The following RAB38 variants were observed in gnomAD, a reference collection of about 807,000 sequenced individuals.
The protein encoded by RAB38 is RAB38, member RAS oncogene family.
A neutral mutation model predicts 18.4 loss-of-function variants in RAB38; 15 were observed. The ratio of observed to expected loss-of-function variants is 0.82; its 90% confidence interval spans 0.55 to 1.26. The LOEUF is 1.26. RAB38 is among the 50% of genes most tolerant of loss of function. RAB38 has a pLI of 0.00. For synonymous variants in RAB38, 101 were observed against 104.4 expected, an observed-to-expected ratio of 0.97 and a Z score of 0.20; for missense variants, 294 against 267.4, an observed-to-expected ratio of 1.10 and a Z score of -0.69.
At chr11:88,142,945 CT>C (rs2134815664) in intron 2 of RAB38, among the ~76,000 whole-genome samples, 1 of 152,296 alleles carries the variant, frequency 6.6e-6, no homozygotes, top group Non-Finnish European at 1.5e-5. Flanking sequence ...TGTCATTAGA[CT>C]TTAAACTCCT....
At chr11:87,889,651 G>A in the RAB38 span, among the ~76,000 whole-genome samples, 1 of 151,850 alleles carries the variant, frequency 6.6e-6, no homozygotes, top group Non-Finnish European at 1.5e-5. Context: ...GAAGCACACA[G>A]AAGCCAAGTT....
the RAB38 span, among the ~76,000 whole-genome samples, chr11:87,916,559 C>T: frequency 3.3e-5 from 5 of 152,210 alleles, no homozygotes; most frequent in African/African-American, 1.2e-4. Flanking sequence ...TCACTAGATA[C>T]CAACAATGTG....
At chr11:87,884,970 C>T in the RAB38 span, among the ~76,000 whole-genome samples, 1 of 151,876 alleles carries the variant, frequency 6.6e-6, no homozygotes. Flanking sequence ...CCCAAACCTA[C>T]CTTTACATTA....
the RAB38 span, among the ~76,000 whole-genome samples, chr11:87,942,681 C>G: frequency 6.6e-5 from 10 of 152,066 alleles, no homozygotes; most frequent in South Asian, 6.2e-4. Flanking sequence ...CTAGGGAGTA[C>G]CTACAGGAGT....
chr11:88,165,071 T>G (rs1309359390), intron 1 of RAB38, among the ~76,000 whole-genome samples: 1 of 152,084 alleles, frequency 6.6e-6, no homozygotes, highest in East Asian at 1.9e-4. Context: ...ACTCATTCAA[T>G]AATTAGGTCT....
intron 2 of RAB38, among the ~76,000 whole-genome samples, chr11:88,142,758 G>A (rs760871100): frequency 5.9e-5 from 9 of 152,184 alleles, no homozygotes; most frequent in Admixed American, 1.3e-4. Flanking sequence ...CCCATACAGC[G>A]TGACCAACAT....
At chr11:87,895,184 G>C in the RAB38 span, among the ~76,000 whole-genome samples, 1 of 151,600 alleles carries the variant, frequency 6.6e-6, no homozygotes, top group Non-Finnish European at 1.5e-5. Context: ...AGCTTGTCTG[G>C]CTGATGAGGG....
At chr11:87,947,359 G>C in the RAB38 span, among the ~76,000 whole-genome samples, 1 of 142,570 alleles carries the variant, frequency 7.0e-6, no homozygotes, top group East Asian at 2.1e-4. Context: ...TCTGATGGTA[G>C]TTTCTTTTGC....
the RAB38 span, among the ~76,000 whole-genome samples, chr11:88,037,133 T>A: frequency 6.6e-6 from 1 of 152,176 alleles, no homozygotes; most frequent in Admixed American, 6.5e-5. Flanking sequence ...TTGAATTCTT[T>A]ATCATTTTAT....
the RAB38 span, among the ~76,000 whole-genome samples, chr11:88,051,458 G>C: frequency 6.6e-6 from 1 of 151,698 alleles, no homozygotes; most frequent in South Asian, 2.1e-4. Flanking sequence ...AGAAGCAAAG[G>C]CTTTGAAAAC....
the RAB38 span, among the ~76,000 whole-genome samples, chr11:88,037,392 G>A: frequency 2.0e-5 from 3 of 151,922 alleles, no homozygotes; most frequent in Non-Finnish European, 4.4e-5. Flanking sequence ...TACCCAAAGA[G>A]CCCTAATTGT....
chr11:88,116,466 CAT>C (rs1426904615), intron 2 of RAB38, among the ~76,000 whole-genome samples: 22 of 152,166 alleles, frequency 1.4e-4, no homozygotes, highest in Admixed American at 1.4e-3. Context: ...GATATTACTA[CAT>C]ATGTTTACAG....
the RAB38 span, among the ~76,000 whole-genome samples, chr11:87,855,853 T>C: frequency 6.6e-6 from 1 of 152,186 alleles, no homozygotes; most frequent in Non-Finnish European, 1.5e-5. Context: ...TAGGATAGCC[T>C]TGGTATTTTT....
At chr11:87,920,755 T>C in the RAB38 span, among the ~76,000 whole-genome samples, 22 of 152,110 alleles carry the variant, frequency 1.4e-4, no homozygotes, top group Non-Finnish European at 3.1e-4. Context: ...TGCATATTAT[T>C]GTATTGTAGT....
At chr11:87,827,744 A>C in the RAB38 span, among the ~76,000 whole-genome samples, 1 of 152,286 alleles carries the variant, frequency 6.6e-6, no homozygotes, top group African/African-American at 2.4e-5. Flanking sequence ...TACATGGAGA[A>C]CTTCAGACAA....
the RAB38 span, among the ~76,000 whole-genome samples, chr11:87,910,595 T>G: frequency 4.2e-4 from 63 of 151,564 alleles, no homozygotes; most frequent in African/African-American, 1.5e-3. Context: ...GTGTTAGGTC[T>G]TACATATAGA....
chr11:87,897,278 G>A, the RAB38 span, among the ~76,000 whole-genome samples: 1 of 151,482 alleles, frequency 6.6e-6, no homozygotes, highest in Non-Finnish European at 1.5e-5. Context: ...AGTCCTACCT[G>A]CTGATACTTT....
chr11:88,021,659 T>C, the RAB38 span, among the ~76,000 whole-genome samples: 1 of 149,814 alleles, frequency 6.7e-6, no homozygotes, highest in Non-Finnish European at 1.5e-5. Context: ...GGCACGATCT[T>C]GGCTCACTGC....
chr11:87,910,551 AT>A, the RAB38 span, among the ~76,000 whole-genome samples: 1 of 149,520 alleles, frequency 6.7e-6, no homozygotes, highest in African/African-American at 2.5e-5. Flanking sequence ...AGTTACAAAC[AT>A]TTTGTCCTAT....
Sources: allele counts gnomAD v4.1 joint callset (sites outside exome capture counted in the v4.1 genomes callset), GRCh38; gene constraint gnomAD v4.1.1; transcripts MANE v1.5; gene names NCBI Gene and HGNC (gene_info 2026-07-23, HGNC 2026-07-21).